TNFAIP2: variants seen among roughly 807,000 people sequenced by gnomAD.
The protein encoded by TNFAIP2 is tumor necrosis factor alpha-induced protein 2.
In TNFAIP2, 47 loss-of-function variants were observed where a neutral mutation model predicts 63.5. The observed-to-expected ratio is 0.74, with a 90% CI of 0.59 to 0.94. The LOEUF (loss-of-function observed/expected upper bound fraction) is 0.94, where lower values mean the gene tolerates loss of function less well. Among genes scored for constraint, TNFAIP2 ranks in the 40% least tolerant of loss-of-function variants. The probability of loss-of-function intolerance (pLI) is 0.00; values close to 1 mark genes in which losing one functional copy is unlikely to be tolerated. For missense variants in TNFAIP2, 787 were observed against 850.2 expected (o/e 0.93, Z 0.92); for synonymous variants, 405 against 390.2 (o/e 1.04, Z -0.45).
upstream of TNFAIP2, among the ~76,000 whole-genome samples, chr14:103,123,288 T>G (rs2139540334): frequency 6.6e-6 from 1 of 151,730 alleles, no homozygotes; most frequent in East Asian, 2.0e-4. Context: ...CATCCCCCGC[T>G]GGGCAGGCCG....
At chr14:103,134,634 A>C (rs1028336060) in intron 11 of TNFAIP2, among the ~76,000 whole-genome samples, 1 of 133,224 alleles carries the variant, frequency 7.5e-6, no homozygotes, top group Non-Finnish European at 1.6e-5. Context: ...CCATGCTCCC[A>C]TCCCTCCACC....
Position 103,131,251 on chromosome 14 carries a change from T to A in TNFAIP2, c.1298+101T>A. ...AGGAGGAGCTGCTTAGGCCAAGAAG[T>A]GGAATTCAAACCAGCAACATGTGTG... On this transcript the variant is annotated intron_variant, in intron 7 of 11. Transcript: ENST00000560869. This position sits in a 1 kb window ranked among gnomAD's most constrained non-coding sequence, Gnocchi z 4.0. 7.6e-7 allele frequency: 1 copy of A among 1,310,250 alleles called. No individual in the cohort carries two copies. Among genetic ancestry groups the A allele is most frequent in the Non-Finnish European group, 1.1e-6 (1 of 920,816 alleles). The allele number at this position is 1,310,250 out of a possible 1,614,324, so 81.2% of individuals were successfully genotyped here.
Position 103,127,775 on chromosome 14 carries a change from C to A in TNFAIP2, c.860+146C>A. 1 of 922,068 alleles carries A rather than the reference C, an allele frequency of 1.1e-6. No homozygotes were observed. Among genetic ancestry groups the A allele is most frequent in the Non-Finnish European group, 1.5e-6 (1 of 656,452 alleles). The allele number at this position is 922,068 out of a possible 1,614,324, so 57.1% of individuals were successfully genotyped here. On this transcript the variant is annotated intron_variant, in intron 3 of 11. Coordinates refer to ENST00000560869, the MANE Select transcript of TNFAIP2 (RefSeq NM_006291.4). The surrounding 1 kb of genome is among the most constrained non-coding windows in gnomAD (Gnocchi z 5.1). The stretch of plus-strand genomic sequence containing the variant: ...TGGGTCCGAGAATGCAGGGGTGGGA[C>A]TTGGACTCCCTGGGGCAGAGCCTGG...
At chr14:103,130,941 G>A (rs2087959387) in intron 6 of TNFAIP2, 111 bp from the exon 7 acceptor site, 3 of 1,124,822 alleles carry the variant, frequency 2.7e-6, no homozygotes, top group Admixed American at 2.0e-5. Context: ...TTGGCTATGG[G>A]CAGCCAAACA....
At position 103,127,408 on chromosome 14, in the gene TNFAIP2, C is replaced by T. The variant is rs774042949; in HGVS notation, c.639C>T (p.Pro213=). The change falls in exon 3 of 12, where the codon CCC becomes CCT. Residue 213 remains proline, a synonymous_variant. Transcript: ENST00000560869. This position sits in a 1 kb window ranked among gnomAD's most constrained non-coding sequence, Gnocchi z 5.1. ...GGCCGGCCGCGGGCGCCGAGGTCCC[C>T]GAGAGCGTCTTTCTGCACTTGGGCC... is the stretch of plus-strand genomic sequence containing the variant. ...GQRPAAGAEV[P]ESVFLHLGRT... 3.1e-5 allele frequency: 48 copies of T among 1,562,172 alleles called. No homozygotes were observed. The highest frequency in any genetic ancestry group is 4.0e-5 in the Non-Finnish European group (47 of 1,162,076).
chr14:103,122,742 A>T (rs1260840823), upstream of TNFAIP2: 1 of 455,974 alleles, frequency 2.2e-6, no homozygotes, highest in Non-Finnish European at 4.4e-6. Context: ...CTGCTCCGGC[A>T]GCCTGTGGGT....
chr14:103,132,029 G>A (rs1277245403), intron 8 of TNFAIP2, among the ~76,000 whole-genome samples: 1 of 10,912 alleles, frequency 9.2e-5, no homozygotes, highest in African/African-American at 5.8e-4. Flanking sequence ...GCTGGGAGGG[G>A]CCGCCTGGGG....
At chr14:103,126,838 G>C (rs1454612616) in intron 2 of TNFAIP2, 146 bp downstream of exon 2, 4 of 1,338,890 alleles carry the variant, frequency 3.0e-6, no homozygotes, top group South Asian at 3.0e-5. Flanking sequence ...CCGCAATCTG[G>C]GGGGCTGGGA....
In TNFAIP2 at chr14:103,127,504, C is replaced by T. The variant is rs1047727187; in HGVS notation, c.735C>T (p.Val245=). Residue 245 remains valine, a synonymous_variant, in exon 3 of 12, where the codon GTC becomes GTT. Coordinates refer to ENST00000560869, the MANE Select transcript of TNFAIP2 (RefSeq NM_006291.4). The surrounding 1 kb of genome is among the most constrained non-coding windows in gnomAD (Gnocchi z 5.1). ...CGCTGTTCCCCGCCGAGTTCGGCGT[C>T]GTGGCGGCCTACGCCGAGAGCTACC... The part of the protein sequence containing the change: ...LKPLFPAEFG[V]VAAYAESYHQ... The T allele has an allele frequency of 2.5e-6, 4 of 1,589,822 alleles. No homozygotes were observed. Among genetic ancestry groups the T allele is most frequent in the Admixed American group, 3.4e-5 (2 of 58,578 alleles).
At position 103,131,563 on chromosome 14, in the gene TNFAIP2, G is replaced by A; in HGVS notation, c.1299-76G>A. 6.7e-7 allele frequency: 1 copy of A among 1,490,006 alleles called. No homozygotes were observed. Among genetic ancestry groups the A allele is most frequent in the South Asian group, 1.3e-5 (1 of 78,294 alleles). 92.3% of individuals were successfully genotyped at this position (1,490,006 alleles called of 1,614,324 possible). On this transcript the variant is annotated intron_variant, in intron 7 of 11. Transcript: ENST00000560869. This position sits in a 1 kb window ranked among gnomAD's most constrained non-coding sequence, Gnocchi z 4.0. ...ATTGAGGGTTCTAGAGTGAAGAGAG[G>A]GGGCTGTCTGGCTCCCTGGGTATGG...
At position 103,133,461 on chromosome 14, in the gene TNFAIP2, C is replaced by T. The variant is rs202127803; in HGVS notation, c.1645C>T (p.Leu549=). The part of the protein sequence containing the change: ...VLKTAEQQQQ[L]AGYILANADT... The stretch of plus-strand genomic sequence containing the variant: ...CAAGACGGCCGAGCAGCAGCAGCAG[C>T]TGGCTGGGTACATCCTGGCCAATGC... The change falls in exon 10 of 12, where the codon CTG becomes TTG. Residue 549 remains leucine (L), a synonymous_variant. Transcript: ENST00000560869. 4.6e-5 allele frequency: 75 copies of T among 1,613,972 alleles called. No individual in the cohort carries two copies. In the East Asian group the frequency reaches 1.6e-3, roughly 35 times the overall value.
rs2088080703 is a variant in TNFAIP2, at chr14:103,135,694, T to C, written c.*334T>C. ...AGGCTCAGGGATCCCCGGACACCTC[T>C]GTCCAGAGCCCCTCCACAGTCGGCC... On this transcript the variant is annotated 3_prime_UTR_variant, in exon 12 of 12. Transcript: ENST00000560869. The surrounding 1 kb of genome is among the most constrained non-coding windows in gnomAD (Gnocchi z 7.6). 2 of 1,244,296 alleles carry C rather than the reference T, an allele frequency of 1.6e-6. No homozygotes were observed. The highest frequency in any genetic ancestry group is 1.5e-5 in the African/African-American group (1 of 64,620). The allele number at this position is 1,244,296 out of a possible 1,614,324, so 77.1% of individuals were successfully genotyped here.
Position 103,131,732 on chromosome 14 carries a change from C to T in TNFAIP2, c.1392C>T (p.Thr464=), listed in dbSNP as rs765608185. The change falls in exon 8 of 12, where the codon ACC becomes ACT. Residue 464 remains threonine, a synonymous_variant. Transcript: ENST00000560869. This position sits in a 1 kb window ranked among gnomAD's most constrained non-coding sequence, Gnocchi z 4.0. ...LGELKSHGFD[T]LLQNLHEDLK... The stretch of plus-strand genomic sequence containing the variant: ...AGCTCAAGAGCCACGGCTTTGACAC[C>T]CTGCTCCAGAACCTGCATGAGGACC... 1 of 1,612,246 alleles carries T rather than the reference C, an allele frequency of 6.2e-7. No homozygotes were observed. Among genetic ancestry groups the T allele is most frequent in the South Asian group, 1.1e-5 (1 of 91,042 alleles).
Position 103,135,677 on chromosome 14 carries a change from G to C in TNFAIP2, c.*317G>C, listed in dbSNP as rs1317068165. On this transcript the variant is annotated 3_prime_UTR_variant, in exon 12 of 12. Coordinates refer to ENST00000560869, the MANE Select transcript of TNFAIP2 (RefSeq NM_006291.4). The surrounding 1 kb of genome is among the most constrained non-coding windows in gnomAD (Gnocchi z 7.6). ...GGAGGGAGAGTGCAGCCAGGCTCAG[G>C]GATCCCCGGACACCTCTGTCCAGAG... The C allele has an allele frequency of 8.0e-7, 1 of 1,253,320 alleles. No individual in the cohort carries two copies. The highest frequency in any genetic ancestry group is 1.0e-6 in the Non-Finnish European group (1 of 984,392). The allele number at this position is 1,253,320 out of a possible 1,614,324, so 77.6% of individuals were successfully genotyped here.
Position 103,131,888 on chromosome 14 carries a change from C to T in TNFAIP2, c.1422+126C>T, listed in dbSNP as rs1023882402. The stretch of plus-strand genomic sequence containing the variant: ...GGAAGACACGCTCCAGGCCTGTGGA[C>T]GGCACCGTGGGCCAGCTCTGGTGCA... On this transcript the variant is annotated intron_variant, in intron 8 of 11. Transcript: ENST00000560869. This position sits in a 1 kb window ranked among gnomAD's most constrained non-coding sequence, Gnocchi z 4.0. 11 of 1,356,228 alleles carry T rather than the reference C, an allele frequency of 8.1e-6. No individual in the cohort carries two copies. Among genetic ancestry groups the T allele is most frequent in the Admixed American group, 4.8e-5 (2 of 41,346 alleles). 84.0% of individuals were successfully genotyped at this position (1,356,228 alleles called of 1,614,324 possible).
At position 103,131,267 on chromosome 14, in the gene TNFAIP2, A is replaced by G; in HGVS notation, c.1298+117A>G. The G allele has an allele frequency of 8.8e-7, 1 of 1,142,162 alleles. No homozygotes were observed. Among genetic ancestry groups the G allele is most frequent in the South Asian group, 1.3e-5 (1 of 76,514 alleles). 70.8% of individuals were successfully genotyped at this position (1,142,162 alleles called of 1,614,324 possible). A position where few individuals can be genotyped will look rare whatever the true frequency, so the allele number is the denominator to read the frequency against. On this transcript the variant is annotated intron_variant, in intron 7 of 11. Coordinates refer to ENST00000560869, the MANE Select transcript of TNFAIP2 (RefSeq NM_006291.4). This position sits in a 1 kb window ranked among gnomAD's most constrained non-coding sequence, Gnocchi z 4.0. ...GCCAAGAAGTGGAATTCAAACCAGCAACATGTGTGAGGACTCCACGGCCTG... is the reference window on the plus strand; with the variant it reads ...GCCAAGAAGTGGAATTCAAACCAGCGACATGTGTGAGGACTCCACGGCCTG...
chr14:103,136,226 G>A lies in TNFAIP2; in HGVS notation c.*866G>A. On this transcript the variant is annotated 3_prime_UTR_variant, in exon 12 of 12. Transcript: ENST00000560869. ...TTGACCTCTCACTGTTGACCCTTTG[G>A]CCTCTGTATTTGTTTCCTATTGCCG... 3.5e-6 allele frequency: 1 copy of A among 288,104 alleles called. No individual in the cohort carries two copies. The highest frequency in any genetic ancestry group is 6.8e-6 in the Non-Finnish European group (1 of 147,930). 17.8% of individuals were successfully genotyped at this position (288,104 alleles called of 1,614,324 possible).
chr14:103,123,261 G>A (rs1397872194), upstream of TNFAIP2, among the ~76,000 whole-genome samples: 2 of 152,210 alleles, frequency 1.3e-5, no homozygotes, highest in African/African-American at 4.8e-5. Flanking sequence ...CTGCTGGGAG[G>A]AAGTGACAGC....
chr14:103,122,282 C>T (rs1219705025), upstream of TNFAIP2, among the ~76,000 whole-genome samples: 2 of 152,216 alleles, frequency 1.3e-5, no homozygotes, highest in East Asian at 3.9e-4. Flanking sequence ...TTCTCAGTTC[C>T]CAGGGCACCT....
Sources: gnomAD v4.1 joint callset for allele counts (sites outside exome capture counted in the v4.1 genomes callset) on GRCh38, gnomAD v4.1.1 for gene constraint, Gnocchi (gnomAD v3.1) non-coding constraint, MANE v1.5 for transcripts, NCBI Gene and HGNC (gene_info 2026-07-23, HGNC 2026-07-21) for gene names.